The following PCDHA4 variants were observed in gnomAD, a reference collection of about 807,000 sequenced individuals.
PCDHA4 encodes protocadherin alpha-4.
In PCDHA4, 49 loss-of-function variants were observed where a neutral mutation model predicts 61.4. The observed-to-expected ratio is 0.80, with a 90% CI of 0.63 to 1.01. The LOEUF (loss-of-function observed/expected upper bound fraction) is 1.01, where lower values mean the gene tolerates loss of function less well. PCDHA4 is among the 50% of genes least tolerant of loss of function. The pLI is 0.00. For synonymous variants in PCDHA4, 590 were observed against 550.3 expected, an observed-to-expected ratio of 1.07 and a Z score of -1.01; for missense variants, 1,254 against 1,235.8, an observed-to-expected ratio of 1.01 and a Z score of -0.22.
At chr5:141,007,804 A>G (rs966389410) in intron 3 of PCDHA4, among the ~76,000 whole-genome samples, 1 of 152,204 alleles carries the variant, frequency 6.6e-6, no homozygotes, top group Non-Finnish European at 1.5e-5. Context: ...TTTATCTGCC[A>G]TTCATTTGCC....
chr5:140,904,162 A>G (rs1554191325), intron 1 of PCDHA4, among the ~76,000 whole-genome samples: 1 of 152,028 alleles, frequency 6.6e-6, no homozygotes, highest in Non-Finnish European at 1.5e-5. Context: ...CCCAGTTTGT[A>G]GTCTTTTATT....
intron 1 of PCDHA4, among the ~76,000 whole-genome samples, chr5:140,956,813 T>C (rs1306502330): frequency 6.6e-6 from 1 of 152,176 alleles, no homozygotes; most frequent in African/African-American, 2.4e-5. Context: ...TATTATTGCT[T>C]CAATTTGTAA....
At chr5:141,007,419 T>C (rs1554261276) in intron 3 of PCDHA4, among the ~76,000 whole-genome samples, 3 of 141,394 alleles carry the variant, frequency 2.1e-5, no homozygotes, top group African/African-American at 5.2e-5. Flanking sequence ...AAAAAAAAAA[T>C]TAGCCAGGCA....
At chr5:140,968,341 C>T in intron 1 of PCDHA4, 1 of 1,614,132 alleles carries the variant, frequency 6.2e-7, no homozygotes, top group Non-Finnish European at 8.5e-7. Context: ...TCTCCATTAA[C>T]AGTGCCAGTG....
intron 1 of PCDHA4, chr5:140,876,134 A>T: frequency 6.2e-7 from 1 of 1,613,962 alleles, no homozygotes; most frequent in Non-Finnish European, 8.5e-7. Flanking sequence ...GGTAAACCAG[A>T]ACTAACAGGG....
intron 1 of PCDHA4, chr5:140,928,467 A>G (rs782319281): frequency 6.2e-7 from 1 of 1,614,142 alleles, no homozygotes; most frequent in South Asian, 1.1e-5. Flanking sequence ...ATTTCCAAGT[A>G]GAAGGCCGGG....
chr5:140,844,476 CTA>C (rs2150371659), intron 1 of PCDHA4, among the ~76,000 whole-genome samples: 3,169 of 149,252 alleles, frequency 0.021, 219 homozygotes, highest in African/African-American at 0.04. Context: ...TTTTGAGCCT[CTA>C]TGTTTAGGAA....
At chr5:140,845,517 A>G (rs1554140912) in intron 1 of PCDHA4, among the ~76,000 whole-genome samples, 1 of 149,602 alleles carries the variant, frequency 6.7e-6, no homozygotes, top group Non-Finnish European at 1.5e-5. Context: ...TTTCTTGTAC[A>G]TTAATACTTT....
At chr5:140,826,757 A>G (rs1320078867) in intron 1 of PCDHA4, among the ~76,000 whole-genome samples, 2 of 152,200 alleles carry the variant, frequency 1.3e-5, no homozygotes, top group South Asian at 2.1e-4. Flanking sequence ...AATAAGATTC[A>G]TATTGGAGAG....
chr5:141,011,662 G>C lies in PCDHA4; in HGVS notation c.*1725G>C, dbSNP rs1166635893. On this transcript the variant is annotated 3_prime_UTR_variant, in exon 4 of 4. Coordinates refer to ENST00000530339, the MANE Select transcript of PCDHA4 (RefSeq NM_018907.4). The stretch of plus-strand genomic sequence containing the variant: ...CAAGACTTCTGCTGGCAAGGGAATG[G>C]ATAAAGCTGTTTTGTTCTAGTAACA... 2.0e-5 allele frequency: 3 copies of C among 153,688 alleles called. No homozygotes were observed. Among genetic ancestry groups the C allele is most frequent in the African/African-American group, 7.2e-5 (3 of 41,414 alleles). The allele number at this position is 153,688 out of a possible 1,614,324, so 9.5% of individuals were successfully genotyped here.
chr5:140,828,689 T>C (rs1769888255), intron 1 of PCDHA4: 3 of 1,614,072 alleles, frequency 1.9e-6, no homozygotes, highest in African/African-American at 1.3e-5. Flanking sequence ...AAAGAAATCC[T>C]TGGACAGAGA....
intron 1 of PCDHA4, chr5:140,815,407 T>TA (rs1765720379): frequency 1.3e-5 from 2 of 152,120 alleles, no homozygotes; most frequent in South Asian, 4.1e-4. Context: ...AAAACTCTTA[T>TA]AAAAATGTAT....
chr5:141,000,616 C>A (rs1227863226), intron 3 of PCDHA4, among the ~76,000 whole-genome samples: 1 of 150,774 alleles, frequency 6.6e-6, no homozygotes, highest in African/African-American at 2.4e-5. Context: ...TTAGTAGAGA[C>A]AGGGTTTCAC....
intron 3 of PCDHA4, among the ~76,000 whole-genome samples, chr5:141,002,792 A>G (rs576285489): frequency 6.6e-6 from 1 of 152,306 alleles, no homozygotes; most frequent in South Asian, 2.1e-4. Context: ...CATTTTATGG[A>G]TGAGGAAACT....
chr5:140,869,564 T>A, intron 1 of PCDHA4: 2 of 1,614,176 alleles, frequency 1.2e-6, no homozygotes, highest in South Asian at 2.2e-5. Context: ...CGTTTTCCAC[T>A]AGAGGGAGCT....
chr5:140,983,100 T>C (rs2097027056), intron 3 of PCDHA4, among the ~76,000 whole-genome samples: 1 of 152,232 alleles, frequency 6.6e-6, no homozygotes, highest in African/African-American at 2.4e-5. Flanking sequence ...AATCTGCTTC[T>C]CTCTGCACAT....
At chr5:140,979,043 C>A (rs782371496) in intron 2 of PCDHA4, 36 bp downstream of exon 2, 2 of 1,612,500 alleles carry the variant, frequency 1.2e-6, no homozygotes, top group Non-Finnish European at 1.7e-6. Context: ...CAGAAGTAAC[C>A]TTAACTTGGT....
At chr5:140,862,911 G>C (rs781861917) in intron 1 of PCDHA4, 3 of 549,326 alleles carry the variant, frequency 5.5e-6, no homozygotes. Flanking sequence ...CGCTGCTGGC[G>C]CCTTGGGTGG....
chr5:140,834,465 A>G, intron 1 of PCDHA4: 1 of 1,614,150 alleles, frequency 6.2e-7, no homozygotes, highest in Non-Finnish European at 8.5e-7. Context: ...GGAGGCAGGG[A>G]GAGGCCAGCT....
Sources: gnomAD v4.1 joint callset for allele counts (sites outside exome capture counted in the v4.1 genomes callset) on GRCh38, gnomAD v4.1.1 for gene constraint, MANE v1.5 for transcripts, NCBI Gene and HGNC (gene_info 2026-07-23, HGNC 2026-07-21) for gene names.